SHTN1: variants seen among roughly 807,000 people sequenced by gnomAD.
SHTN1 encodes the protein shootin 1.
A neutral mutation model predicts 83.1 loss-of-function variants in SHTN1; 42 were observed. The observed-to-expected ratio is 0.51, with a 90% CI of 0.39 to 0.65. SHTN1 has a LOEUF of 0.65. SHTN1 is among the 30% of genes least tolerant of loss of function. The pLI, the probability that SHTN1 is intolerant of heterozygous loss-of-function variation, is 0.00. For missense variants in SHTN1, 622 were observed against 737.8 expected (o/e 0.84, Z 1.82); for synonymous variants, 224 against 247.7 (o/e 0.90, Z 0.90).
intron 1 of SHTN1, among the ~76,000 whole-genome samples, chr10:117,081,742 C>A (rs1437205632): frequency 1.3e-5 from 2 of 148,900 alleles, no homozygotes; most frequent in African/African-American, 4.9e-5. Flanking sequence ...AGAGATTCAA[C>A]TTCTTCCTGG....
chr10:116,967,557 T>C (rs570606383), intron 3 of SHTN1, among the ~76,000 whole-genome samples: 8 of 152,314 alleles, frequency 5.3e-5, no homozygotes, highest in South Asian at 2.1e-4. Flanking sequence ...GACATATCCA[T>C]TGCCTCCCAA....
At chr10:117,014,073 A>C (rs1439170635) in intron 2 of SHTN1, among the ~76,000 whole-genome samples, 1 of 152,188 alleles carries the variant, frequency 6.6e-6, no homozygotes, top group Non-Finnish European at 1.5e-5. Flanking sequence ...GGTTCAATTT[A>C]TATGACATCA....
chr10:116,959,722 G>A (rs996728908), intron 4 of SHTN1, among the ~76,000 whole-genome samples: 11 of 152,078 alleles, frequency 7.2e-5, no homozygotes, highest in Admixed American at 2.6e-4. Flanking sequence ...TGAAATGCAC[G>A]GCTTCAGGGT....
chr10:116,981,452 T>C (rs1000328841), intron 1 of SHTN1, among the ~76,000 whole-genome samples: 1 of 152,182 alleles, frequency 6.6e-6, no homozygotes, highest in Non-Finnish European at 1.5e-5. Context: ...AAATTGTCTT[T>C]GGAGCTGAAA....
intron 1 of SHTN1, among the ~76,000 whole-genome samples, chr10:117,110,206 A>G (rs923394528): frequency 1.3e-5 from 2 of 152,198 alleles, no homozygotes; most frequent in African/African-American, 4.8e-5. Context: ...ATCCCTAAGA[A>G]CTACCTTGAG....
At chr10:116,889,087 T>C (rs1203526528) in intron 16 of SHTN1, among the ~76,000 whole-genome samples, 1 of 152,210 alleles carries the variant, frequency 6.6e-6, no homozygotes, top group Non-Finnish European at 1.5e-5. Flanking sequence ...CATCAACCCA[T>C]ACTAACCTTC....
intron 1 of SHTN1, among the ~76,000 whole-genome samples, chr10:116,995,896 G>T (rs146917829): frequency 6.6e-6 from 1 of 152,136 alleles, no homozygotes; most frequent in African/African-American, 2.4e-5. Context: ...ATCTAGGGAA[G>T]AGAGCTATCT....
At chr10:117,065,814 A>G (rs1196452226) in intron 1 of SHTN1, among the ~76,000 whole-genome samples, 38 of 76,456 alleles carry the variant, frequency 5.0e-4, no homozygotes, top group Non-Finnish European at 7.4e-4. Context: ...GGAAGGAAGG[A>G]AGGAAGGAAG....
rs111828069 is a variant in SHTN1, at chr10:117,110,445, G to A, written c.-189+15862C>T. On this transcript the variant is annotated intron_variant, in intron 1 of 17. Transcript: ENST00000392901. ...CGGCTCACTACAACCTCTGCCTCCCGGGTTTGAGAAATTCTCCTGCCTCAG... is the reference window on the plus strand; with the variant it reads ...CGGCTCACTACAACCTCTGCCTCCCAGGTTTGAGAAATTCTCCTGCCTCAG... 0.011 allele frequency among the ~76,000 whole-genome samples: 1,655 copies of A among 152,134 alleles called. 45 individuals carry two copies. In the East Asian group the frequency reaches 0.12, roughly 11 times the overall value.
At chr10:116,924,837 A>G (rs1848686591) in intron 11 of SHTN1, among the ~76,000 whole-genome samples, 1 of 145,696 alleles carries the variant, frequency 6.9e-6, no homozygotes, top group South Asian at 2.1e-4. Flanking sequence ...GGCTCGCTGC[A>G]AGCTCTGCCT....
intron 1 of SHTN1, among the ~76,000 whole-genome samples, chr10:116,995,850 A>C (rs999967757): frequency 6.6e-6 from 1 of 152,134 alleles, no homozygotes; most frequent in Non-Finnish European, 1.5e-5. Context: ...TAGGGTAAAG[A>C]ATGTCACCTT....
Position 117,057,944 on chromosome 10 carries a change from C to T in SHTN1, c.-188-9434G>A, listed in dbSNP as rs7089205. On this transcript the variant is annotated intron_variant, in intron 1 of 17. Transcript: ENST00000392901. ...TTCAATAGGGAAAGGACAGTCTTTT[C>T]AATAAATGATCCTAAGAAAACTGGA... is the stretch of plus-strand genomic sequence containing the variant. Among the ~76,000 whole-genome samples the T allele has an allele frequency of 8.9e-3, 1,355 of 152,258 alleles. 18 individuals are homozygous for T. Among genetic ancestry groups the T allele is most frequent in the African/African-American group, 0.031 (1,280 of 41,540 alleles).
intron 16 of SHTN1, among the ~76,000 whole-genome samples, chr10:116,889,259 T>C (rs17095404): frequency 0.06 from 9,145 of 152,252 alleles, 893 homozygotes; most frequent in African/African-American, 0.2. Flanking sequence ...TGGATGTTGA[T>C]TGAACTGAAA....
At position 117,065,856 on chromosome 10, in the gene SHTN1, A is replaced by AACGGAG. The variant is rs1564947544; in HGVS notation, c.-188-17347_-188-17346insCTCCGT. Among the ~76,000 whole-genome samples the AACGGAG allele has an allele frequency of 7.3e-4, 27 of 37,062 alleles. 1 individual carries two copies. Among genetic ancestry groups the AACGGAG allele is most frequent in the African/African-American group, 3.5e-3 (26 of 7,482 alleles). 24.3% of individuals were successfully genotyped at this position (37,062 alleles called of 152,430 possible). ...AGGAAGGAAGGAAGGAAGGAAGGAA[A>AACGGAG]GGAGGGAGGGAGGGAGGGAGGGAGG... is the stretch of plus-strand genomic sequence containing the variant. On this transcript the variant is annotated intron_variant, in intron 1 of 17. Transcript: ENST00000392901.
chr10:116,923,517 C>T (rs1848635101), intron 11 of SHTN1, among the ~76,000 whole-genome samples: 1 of 151,830 alleles, frequency 6.6e-6, no homozygotes, highest in Non-Finnish European at 1.5e-5. Flanking sequence ...TACAGAGTAA[C>T]ACCTGTTCAG....
intron 1 of SHTN1, among the ~76,000 whole-genome samples, chr10:117,084,864 C>G (rs1164013597): frequency 6.6e-6 from 1 of 151,586 alleles, no homozygotes; most frequent in African/African-American, 2.4e-5. Context: ...TTGCGCTTCC[C>G]GAGTGAGGCA....
At chr10:117,029,950 A>T (rs7098696) in intron 2 of SHTN1, among the ~76,000 whole-genome samples, 135,537 of 148,548 alleles carry the variant, frequency 0.91, 63,106 homozygotes, top group Non-Finnish European at 1. Context: ...AATGGTGTCA[A>T]CTATCTTGGC....
intron 9 of SHTN1, among the ~76,000 whole-genome samples, chr10:116,936,244 C>A (rs531849707): frequency 1.3e-5 from 2 of 152,190 alleles, no homozygotes; most frequent in African/African-American, 4.8e-5. Flanking sequence ...TTCTCTAATT[C>A]TTTTAATTGT....
At chr10:116,907,127 T>C (rs999962867) in intron 14 of SHTN1, among the ~76,000 whole-genome samples, 3 of 152,208 alleles carry the variant, frequency 2.0e-5, no homozygotes, top group African/African-American at 7.2e-5. Flanking sequence ...GAAATCTTTA[T>C]ATGGCAGCCA....
Sources: allele counts gnomAD v4.1 joint callset (sites outside exome capture counted in the v4.1 genomes callset), GRCh38; gene constraint gnomAD v4.1.1; transcripts MANE v1.5; gene names NCBI Gene and HGNC (gene_info 2026-07-23, HGNC 2026-07-21).